Variants in SP4 observed in about 807,000 individuals in gnomAD.
SP4 encodes the protein Sp4 transcription factor.
SP4 carries 19 observed loss-of-function variants against 72.8 expected under a neutral mutation model. That is an observed-to-expected ratio of 0.26 (90% confidence interval 0.18 to 0.38). The LOEUF is 0.38. Among genes scored for constraint, SP4 ranks in the 10% least tolerant of loss-of-function variants. SP4 has a pLI of 1.00. For missense variants in SP4, 1,008 were observed against 926.3 expected, an observed-to-expected ratio of 1.09 and a Z score of -1.14; for synonymous variants, 395 against 333.1, an observed-to-expected ratio of 1.19 and a Z score of -2.02.
chr7:21,465,976 G>A (rs1784156243), intron 3 of SP4, among the ~76,000 whole-genome samples: 1 of 152,152 alleles, frequency 6.6e-6, no homozygotes, highest in Non-Finnish European at 1.5e-5. Context: ...TCAGGGTTAT[G>A]TCTTTAAATA....
At chr7:21,459,814 TATTCCTTAA>T (rs1562600773) in intron 3 of SP4, among the ~76,000 whole-genome samples, 2 of 152,246 alleles carry the variant, frequency 1.3e-5, no homozygotes, top group Non-Finnish European at 2.9e-5. Context: ...CTTTGGGACT[TATTCCTTAA>T]ATTCCTACTA....
chr7:21,483,894 G>T (rs1305069094), intron 5 of SP4, among the ~76,000 whole-genome samples: 1 of 150,706 alleles, frequency 6.6e-6, no homozygotes, highest in Non-Finnish European at 1.5e-5. Flanking sequence ...ATAAATTATT[G>T]AATTATACTT....
intron 5 of SP4, among the ~76,000 whole-genome samples, chr7:21,502,243 C>T (rs1168191394): frequency 1.3e-5 from 2 of 152,100 alleles, no homozygotes; most frequent in Non-Finnish European, 1.5e-5. Flanking sequence ...CCCACAGTAC[C>T]ACCAGACATC....
At chr7:21,479,620 C>G (rs7779101) in intron 4 of SP4, among the ~76,000 whole-genome samples, 12,427 of 152,186 alleles carry the variant, frequency 0.082, 593 homozygotes, top group Non-Finnish European at 0.11. Flanking sequence ...GGGACACTTG[C>G]AATTCCATGT....
chr7:21,443,246 G>A (rs919402013), intron 3 of SP4, among the ~76,000 whole-genome samples: 4 of 152,180 alleles, frequency 2.6e-5, no homozygotes, highest in African/African-American at 9.7e-5. Flanking sequence ...CACAGGTGGA[G>A]AACTTTGATT....
intron 5 of SP4, among the ~76,000 whole-genome samples, chr7:21,494,489 A>T (rs1183842732): frequency 6.6e-6 from 1 of 152,254 alleles, no homozygotes; most frequent in African/African-American, 2.4e-5. Context: ...CTAGCAGTGA[A>T]TAACGGGATA....
At chr7:21,467,999 A>G (rs1180211388) in intron 3 of SP4, among the ~76,000 whole-genome samples, 1 of 152,142 alleles carries the variant, frequency 6.6e-6, no homozygotes, top group Non-Finnish European at 1.5e-5. Context: ...AGATAGATAA[A>G]TAGTTTTGTT....
At chr7:21,510,567 T>C (rs1341116857) in intron 5 of SP4, among the ~76,000 whole-genome samples, 1 of 152,216 alleles carries the variant, frequency 6.6e-6, no homozygotes, top group Non-Finnish European at 1.5e-5. Flanking sequence ...GCTATTAAAT[T>C]ATTAACTTAG....
intron 3 of SP4, among the ~76,000 whole-genome samples, chr7:21,449,712 A>G (rs1403334852): frequency 6.6e-6 from 1 of 152,210 alleles, no homozygotes; most frequent in Non-Finnish European, 1.5e-5. Context: ...TATAAATGGA[A>G]AAACTAAGGC....
intron 5 of SP4, among the ~76,000 whole-genome samples, chr7:21,489,288 A>G (rs1324723674): frequency 6.6e-6 from 1 of 152,212 alleles, no homozygotes; most frequent in East Asian, 1.9e-4. Context: ...CAGATGAAAC[A>G]GAAAACTCCA....
rs1783610343 is a variant in SP4 at position 21,451,780 on chromosome 7, A to G, written c.1678+20937A>G. Among the ~76,000 whole-genome samples, 3 of 152,314 alleles carry G rather than the reference A, an allele frequency of 2.0e-5. 1 individual carries two copies. The South Asian group carries it at 6.2e-4, about 32-fold the overall frequency. On this transcript the variant is annotated intron_variant, in intron 3 of 5. Coordinates refer to ENST00000222584, the MANE Select transcript of SP4 (RefSeq NM_003112.5). ...GTGAGAGGAGACAAATCAGATTATT[A>G]GATTTAGAAGACAGAGGCCAAAAAC...
At position 21,512,857 on chromosome 7, in the gene SP4, C is replaced by G. The variant is rs1213471906; in HGVS notation, c.*1588C>G. ...GGATTACAGGCATGAGCCACCATGCCCGGCTAGGAAAGGGTCTTACTAGGA... is the reference window on the plus strand; with the variant it reads ...GGATTACAGGCATGAGCCACCATGCGCGGCTAGGAAAGGGTCTTACTAGGA... On this transcript the variant is annotated 3_prime_UTR_variant, in exon 6 of 6. Transcript: ENST00000222584. 6.6e-6 allele frequency: 1 copy of G among 152,320 alleles called. No homozygotes were observed. The highest frequency in any genetic ancestry group is 1.9e-4 in the East Asian group (1 of 5,158). 9.4% of individuals were successfully genotyped at this position (152,320 alleles called of 1,614,324 possible).
At chr7:21,433,207 T>TTA (rs534840961) in intron 3 of SP4, among the ~76,000 whole-genome samples, 11 of 152,326 alleles carry the variant, frequency 7.2e-5, no homozygotes, top group Admixed American at 7.2e-4. Flanking sequence ...GGTGTGGTTA[T>TTA]TCCTTCATTT....
At chr7:21,468,492 T>C (rs1784235925) in intron 3 of SP4, among the ~76,000 whole-genome samples, 1 of 151,454 alleles carries the variant, frequency 6.6e-6, no homozygotes, top group South Asian at 2.1e-4. Flanking sequence ...CAGATATTTG[T>C]GGTTATTGTT....
rs145989844 is a variant in SP4, at chr7:21,440,823, C to T, written c.1678+9980C>T. On this transcript the variant is annotated intron_variant, in intron 3 of 5. Transcript: ENST00000222584. Reference sequence around the variant, plus strand: ...TGAGATCGTGCCACTGCACTTCAGTCTGGGCAACAGAACGGGACCCTGTCT... The same window carrying T: ...TGAGATCGTGCCACTGCACTTCAGTTTGGGCAACAGAACGGGACCCTGTCT... Among the ~76,000 whole-genome samples, 1,430 of 152,212 alleles carry T rather than the reference C, an allele frequency of 9.4e-3. 29 individuals carry two copies. The highest frequency in any genetic ancestry group is 0.033 in the African/African-American group (1,377 of 41,518).
rs1385352479 is a variant in SP4, at chr7:21,512,676, C to T, written c.*1407C>T. ...TCCCAGGTTCAAGCGATTCTCCTGT[C>T]TTAGCCTCCTGAGTAGCTGGGATTA... On this transcript the variant is annotated 3_prime_UTR_variant, in exon 6 of 6. Transcript: ENST00000222584. The T allele has an allele frequency of 1.3e-5, 2 of 151,056 alleles. No individual in the cohort carries two copies. The highest frequency in any genetic ancestry group is 2.9e-5 in the Non-Finnish European group (2 of 68,042). 9.4% of individuals were successfully genotyped at this position (151,056 alleles called of 1,614,324 possible).
At chr7:21,510,938 A>T in intron 5 of SP4, 84 bp from the exon 6 acceptor site, 1 of 1,339,538 alleles carries the variant, frequency 7.5e-7, no homozygotes, top group Non-Finnish European at 1.0e-6. Context: ...AAGTCATATA[A>T]TGTGACCAGA....
chr7:21,471,022 G>C, intron 3 of SP4: 1 of 534,214 alleles, frequency 1.9e-6, no homozygotes, highest in African/African-American at 1.9e-5. Context: ...GGGAGATGGA[G>C]GTTTGGGGTG....
intron 3 of SP4, among the ~76,000 whole-genome samples, chr7:21,464,356 A>G (rs948690311): frequency 1.3e-5 from 2 of 152,038 alleles, no homozygotes; most frequent in Non-Finnish European, 2.9e-5. Context: ...TCGGCCTCCC[A>G]AAGTGCTGGG....
Sources: gnomAD v4.1 joint callset for allele counts (sites outside exome capture counted in the v4.1 genomes callset) on GRCh38, gnomAD v4.1.1 for gene constraint, MANE v1.5 for transcripts, NCBI Gene and HGNC (gene_info 2026-07-23, HGNC 2026-07-21) for gene names.